Variants in SMIM31 observed in about 807,000 individuals in gnomAD.
SMIM31 encodes human epithelial cell program regulator.
At chr4:164,762,445 G>T (rs571435581) in intron 1 of SMIM31, among the ~76,000 whole-genome samples, 25 of 152,066 alleles carry the variant, frequency 1.6e-4, no homozygotes, top group African/African-American at 6.0e-4. Flanking sequence ...GGCCAGGCGT[G>T]GTGGCTCACA....
chr4:164,786,957 T>G (rs1733032896), intron 2 of SMIM31, among the ~76,000 whole-genome samples: 1 of 152,350 alleles, frequency 6.6e-6, no homozygotes, highest in East Asian at 1.9e-4. Context: ...TTCTTGGAAT[T>G]GCTAATAGAA....
chr4:164,782,369 T>G (rs1732962078), intron 2 of SMIM31, among the ~76,000 whole-genome samples: 1 of 142,428 alleles, frequency 7.0e-6, no homozygotes, highest in Non-Finnish European at 1.5e-5. Context: ...ACTTTATCTC[T>G]TTCTTTTATT....
At chr4:164,795,997 G>A (rs1316937292) in intron 2 of SMIM31, among the ~76,000 whole-genome samples, 1 of 152,144 alleles carries the variant, frequency 6.6e-6, no homozygotes, top group African/African-American at 2.4e-5. Context: ...GACTCTGAGA[G>A]GGTGGCAACT....
chr4:164,771,470 C>G (rs1295420178), intron 2 of SMIM31, among the ~76,000 whole-genome samples: 1 of 152,124 alleles, frequency 6.6e-6, no homozygotes, highest in Non-Finnish European at 1.5e-5. Context: ...ACCCAGGTTA[C>G]TTCTACCTTG....
intron 1 of SMIM31, among the ~76,000 whole-genome samples, chr4:164,761,630 G>A (rs1033096816): frequency 6.6e-6 from 1 of 151,978 alleles, no homozygotes; most frequent in Non-Finnish European, 1.5e-5. Context: ...AGTTTAATAA[G>A]GTCTCTGGCT....
chr4:164,777,160 C>T (rs912962660), intron 2 of SMIM31, among the ~76,000 whole-genome samples: 7 of 152,146 alleles, frequency 4.6e-5, no homozygotes, highest in African/African-American at 1.7e-4. Context: ...TATATTTGAT[C>T]AACTTTCTGT....
At chr4:164,787,139 T>G (rs1274963354) in intron 2 of SMIM31, among the ~76,000 whole-genome samples, 1 of 152,236 alleles carries the variant, frequency 6.6e-6, no homozygotes, top group Admixed American at 6.5e-5. Context: ...CGAGTTTTTA[T>G]TAAATAATTC....
chr4:164,785,406 A>G (rs1733014542), intron 2 of SMIM31, among the ~76,000 whole-genome samples: 2 of 152,150 alleles, frequency 1.3e-5, no homozygotes, highest in Admixed American at 1.3e-4. Context: ...TTCAAAGTCC[A>G]TCATCAAACA....
chr4:164,768,812 G>A (rs1356069541), intron 1 of SMIM31, among the ~76,000 whole-genome samples: 1 of 152,192 alleles, frequency 6.6e-6, no homozygotes, highest in Non-Finnish European at 1.5e-5. Context: ...TCTCTGAGCT[G>A]CTTTAGCAGA....
At chr4:164,785,209 A>G (rs1394361732) in intron 2 of SMIM31, among the ~76,000 whole-genome samples, 1 of 150,880 alleles carries the variant, frequency 6.6e-6, no homozygotes, top group Admixed American at 6.6e-5. Context: ...CTGGCGACAG[A>G]GCAAGACTAT....
Position 164,803,018 on chromosome 4 carries a change from G to T in SMIM31, c.*1824G>T, listed in dbSNP as rs1260413931. ...ATGAGCATTTTAAAAAATCTTTGCT[G>T]GGCTGACAAATGGATGAGAGATAGT... On this transcript the variant is annotated 3_prime_UTR_variant, in exon 3 of 3. Transcript: ENST00000507311. 6.6e-6 allele frequency: 1 copy of T among 152,172 alleles called. No homozygotes were observed. Among genetic ancestry groups the T allele is most frequent in the African/African-American group, 2.4e-5 (1 of 41,428 alleles). The allele number at this position is 152,172 out of a possible 1,614,324, so 9.4% of individuals were successfully genotyped here. A position where few individuals can be genotyped will look rare whatever the true frequency, so the allele number is the denominator to read the frequency against.
At chr4:164,767,048 T>C (rs561072432) in intron 1 of SMIM31, among the ~76,000 whole-genome samples, 176 of 152,206 alleles carry the variant, frequency 1.2e-3, no homozygotes, top group Non-Finnish European at 2.2e-3. Context: ...CTGTCACACA[T>C]GCTACCATCA....
In SMIM31 at chr4:164,762,662, CAAAAAAAAA is replaced by C. The variant is rs1162067333; in HGVS notation, c.-25-7744_-25-7736del. 5.0e-3 allele frequency among the ~76,000 whole-genome samples: 498 copies of C among 100,088 alleles called. 1 individual carries two copies. Among genetic ancestry groups the C allele is most frequent in the African/African-American group, 0.017 (468 of 28,090 alleles). 65.7% of individuals were successfully genotyped at this position (100,088 alleles called of 152,430 possible). The stretch of plus-strand genomic sequence containing the variant: ...TGGGCAACAGAGTAAGACTCTGTCT[CAAAAAAAAA>C]AAAAAAAAAAAAGAAAAAGAAAAAG... On this transcript the variant is annotated intron_variant, in intron 1 of 2. Transcript: ENST00000507311.
chr4:164,780,060 G>A (rs558808500), intron 2 of SMIM31, among the ~76,000 whole-genome samples: 1 of 152,310 alleles, frequency 6.6e-6, no homozygotes, highest in African/African-American at 2.4e-5. Context: ...GAATGCCAAA[G>A]CTTTGTCTTT....
chr4:164,759,187 T>C (rs991890012), intron 1 of SMIM31, among the ~76,000 whole-genome samples: 5 of 152,178 alleles, frequency 3.3e-5, no homozygotes, highest in Admixed American at 1.3e-4. Flanking sequence ...GTTTTTGTAA[T>C]GTCTGCCAGT....
At chr4:164,758,485 CTAAG>C (rs948527066) in intron 1 of SMIM31, among the ~76,000 whole-genome samples, 1 of 152,086 alleles carries the variant, frequency 6.6e-6, no homozygotes, top group African/African-American at 2.4e-5. Context: ...GGTGTTAGCT[CTAAG>C]TTTTTCATAC....
At chr4:164,776,249 T>G (rs1732878664) in intron 2 of SMIM31, among the ~76,000 whole-genome samples, 1 of 152,218 alleles carries the variant, frequency 6.6e-6, no homozygotes, top group Non-Finnish European at 1.5e-5. Flanking sequence ...TTTCACTAAT[T>G]TGGTGCTTAT....
chr4:164,788,741 C>T (rs906220399), intron 2 of SMIM31, among the ~76,000 whole-genome samples: 3 of 151,934 alleles, frequency 2.0e-5, no homozygotes, highest in African/African-American at 7.2e-5. Flanking sequence ...CCGCCTCGGC[C>T]TCTCAAAGTG....
chr4:164,780,313 G>A (rs549491178), intron 2 of SMIM31, among the ~76,000 whole-genome samples: 6 of 152,202 alleles, frequency 3.9e-5, no homozygotes, highest in South Asian at 2.1e-4. Flanking sequence ...TGTAGTCCCA[G>A]CTACTCGGGA....
Sources: gnomAD v4.1 joint callset for allele counts (sites outside exome capture counted in the v4.1 genomes callset) on GRCh38, gnomAD v4.1.1 for gene constraint, MANE v1.5 for transcripts, NCBI Gene and HGNC (gene_info 2026-07-23, HGNC 2026-07-21) for gene names.